Variants in ANO10 observed in about 807,000 individuals in gnomAD.
The protein encoded by ANO10 is anoctamin-10.
A neutral mutation model predicts 74.7 loss-of-function variants in ANO10; 77 were observed. The observed-to-expected ratio is 1.03, with a 90% CI of 0.86 to 1.25. The LOEUF (loss-of-function observed/expected upper bound fraction) is 1.25. ANO10 is among the 50% of genes most tolerant of loss of function. The pLI is 0.00. For missense variants in ANO10, 721 were observed against 778.1 expected (o/e 0.93, Z 0.87); for synonymous variants, 279 against 284.9 (o/e 0.98, Z 0.21).
intron 7 of ANO10, among the ~76,000 whole-genome samples, chr3:43,574,364 G>A (rs1430621222): frequency 2.0e-5 from 3 of 151,282 alleles, no homozygotes; most frequent in South Asian, 2.1e-4. Context: ...TCCACCTCCT[G>A]AGTTCAAGCG....
intron 8 of ANO10, among the ~76,000 whole-genome samples, chr3:43,562,396 A>G (rs543803168): frequency 1.3e-3 from 196 of 145,252 alleles, no homozygotes; most frequent in Non-Finnish European, 2.4e-3. Flanking sequence ...AGCTTGCAGT[A>G]AGCCAAGATC....
intron 11 of ANO10, among the ~76,000 whole-genome samples, chr3:43,524,989 C>T (rs909748702): frequency 6.6e-6 from 1 of 152,188 alleles, no homozygotes; most frequent in African/African-American, 2.4e-5. Context: ...CCCTCTTAAA[C>T]ATTCTCCATG....
intron 4 of ANO10, among the ~76,000 whole-genome samples, chr3:43,595,767 T>C (rs1348693403): frequency 6.6e-6 from 1 of 152,120 alleles, no homozygotes; most frequent in Non-Finnish European, 1.5e-5. Context: ...GCCAGGGCAA[T>C]CAGGCAGGAG....
At chr3:43,474,728 T>C (rs946159750) in intron 11 of ANO10, among the ~76,000 whole-genome samples, 2 of 152,176 alleles carry the variant, frequency 1.3e-5, no homozygotes, top group African/African-American at 2.4e-5. Context: ...TTAAAGAAAT[T>C]TGCATTTATG....
chr3:43,605,831 A>G lies in ANO10; in HGVS notation c.22T>C (p.Leu8=), dbSNP rs763735604. 1 of 1,613,790 alleles carries G rather than the reference A, an allele frequency of 6.2e-7. No homozygotes were observed. The highest frequency in any genetic ancestry group is 8.5e-7 in the Non-Finnish European group (1 of 1,179,776). MKVTLSA[L]DTSESSFTPL... is the part of the protein sequence containing the mutation. ...GTGAAAGAACTCTCAGAAGTATCCA[A>G]AGCTGATAAGGTCACTTTCATCTTT... The change falls in exon 2 of 13, where the codon TTG becomes CTG. Residue 8 remains leucine, a synonymous_variant. Transcript: ENST00000292246.
At chr3:43,370,446 C>G (rs535478710) in intron 12 of ANO10, among the ~76,000 whole-genome samples, 1 of 152,080 alleles carries the variant, frequency 6.6e-6, no homozygotes, top group African/African-American at 2.4e-5. Context: ...TTCTCCCAGG[C>G]CATACTGCAG....
At chr3:43,530,091 A>T (rs1559655047) in intron 11 of ANO10, among the ~76,000 whole-genome samples, 1 of 152,168 alleles carries the variant, frequency 6.6e-6, no homozygotes, top group East Asian at 1.9e-4. Flanking sequence ...GAAAAATAGA[A>T]ATTAAGAAGA....
intron 12 of ANO10, among the ~76,000 whole-genome samples, chr3:43,408,029 G>A (rs2092605908): frequency 6.6e-6 from 1 of 152,186 alleles, no homozygotes; most frequent in African/African-American, 2.4e-5. Flanking sequence ...AAGGAAAACT[G>A]GAGTGGAGAG....
At chr3:43,373,828 G>T (rs1247546510) in intron 12 of ANO10, among the ~76,000 whole-genome samples, 1 of 152,156 alleles carries the variant, frequency 6.6e-6, no homozygotes, top group East Asian at 1.9e-4. Flanking sequence ...TCCACAGGTG[G>T]CCAGAAAGAG....
upstream of ANO10, among the ~76,000 whole-genome samples, chr3:43,622,349 G>C (rs976158797): frequency 6.6e-6 from 1 of 152,212 alleles, no homozygotes; most frequent in African/African-American, 2.4e-5. Context: ...GAAGGCAGAG[G>C]CCTGGTTGGG....
At chr3:43,592,912 T>C (rs2081870168) in intron 4 of ANO10, among the ~76,000 whole-genome samples, 1 of 152,112 alleles carries the variant, frequency 6.6e-6, no homozygotes, top group African/African-American at 2.4e-5. Context: ...GAGAAGACCT[T>C]AAATGACCTG....
chr3:43,601,269 G>C (rs559613771), intron 2 of ANO10, among the ~76,000 whole-genome samples: 1 of 152,114 alleles, frequency 6.6e-6, no homozygotes. Flanking sequence ...ACGGTGGCAC[G>C]ATCTTGGCTC....
intron 12 of ANO10, among the ~76,000 whole-genome samples, chr3:43,419,632 C>T (rs1356557700): frequency 2.0e-5 from 3 of 151,922 alleles, no homozygotes; most frequent in East Asian, 3.9e-4. Flanking sequence ...TCTCCTGCCT[C>T]AGCCTCCTCA....
chr3:43,487,212 TTTATTGAGG>T (rs2076528721), intron 11 of ANO10, among the ~76,000 whole-genome samples: 1 of 151,676 alleles, frequency 6.6e-6, no homozygotes, highest in South Asian at 2.1e-4. Context: ...TTGCCAGTAT[TTTATTGAGG>T]ATTTTTGCAT....
At chr3:43,557,770 T>C (rs1022112121) in intron 9 of ANO10, among the ~76,000 whole-genome samples, 22 of 149,260 alleles carry the variant, frequency 1.5e-4, no homozygotes, top group Non-Finnish European at 2.5e-4. Flanking sequence ...GTTTTGTTTA[T>C]GTGAGTTTAT....
intron 1 of ANO10, among the ~76,000 whole-genome samples, chr3:43,639,245 C>T (rs2083646501): frequency 6.6e-6 from 1 of 152,162 alleles, no homozygotes; most frequent in Non-Finnish European, 1.5e-5. Flanking sequence ...AGGAATTAGC[C>T]TTCATCTTTT....
intron 4 of ANO10, among the ~76,000 whole-genome samples, chr3:43,593,058 G>GA (rs1474218820): frequency 4.6e-5 from 7 of 152,058 alleles, no homozygotes; most frequent in East Asian, 1.9e-4. Context: ...GAAGTTTAGA[G>GA]AAAAAAGAGT....
At chr3:43,659,188 A>G (rs1012128739) in intron 1 of ANO10, among the ~76,000 whole-genome samples, 8 of 152,148 alleles carry the variant, frequency 5.3e-5, no homozygotes, top group African/African-American at 1.9e-4. Context: ...TACCTGGTTC[A>G]TCTCACTGGG....
intron 11 of ANO10, among the ~76,000 whole-genome samples, chr3:43,449,157 G>T (rs1005237512): frequency 6.6e-6 from 1 of 152,038 alleles, no homozygotes; most frequent in East Asian, 1.9e-4. Context: ...GATTACAGGC[G>T]TGAGCCACCA....
Sources: gnomAD v4.1 joint callset for allele counts (sites outside exome capture counted in the v4.1 genomes callset) on GRCh38, gnomAD v4.1.1 for gene constraint, MANE v1.5 for transcripts, NCBI Gene and HGNC (gene_info 2026-07-23, HGNC 2026-07-21) for gene names.